DOCK4: variants seen among roughly 807,000 people sequenced by gnomAD.
The protein encoded by DOCK4 is dedicator of cytokinesis 4.
DOCK4 carries 97 observed loss-of-function variants against 268.1 expected under a neutral mutation model. That is an observed-to-expected ratio of 0.36 (90% confidence interval 0.31 to 0.43). DOCK4 has a LOEUF of 0.43. Ranked by LOEUF, DOCK4 falls within the 20% of genes least tolerant of loss-of-function variation. The pLI is 1.00. For synonymous variants in DOCK4, 954 were observed against 887.2 expected, an observed-to-expected ratio of 1.08 and a Z score of -1.34; for missense variants, 2,145 against 2,455.7, an observed-to-expected ratio of 0.87 and a Z score of 2.67.
At chr7:111,755,334 G>T (rs2074117) in intron 42 of DOCK4, among the ~76,000 whole-genome samples, 181 bp downstream of exon 42, 40,148 of 151,916 alleles carry the variant, frequency 0.26, 6,376 homozygotes, top group East Asian at 0.55. Context: ...GGACACATTA[G>T]GATAATATTA....
intron 7 of DOCK4, among the ~76,000 whole-genome samples, chr7:111,983,858 G>GCC (rs1300676029): frequency 7.8e-5 from 7 of 89,944 alleles, no homozygotes; most frequent in Non-Finnish European, 1.6e-4. Flanking sequence ...GCGCGCGCGC[G>GCC]CGCGCACACA....
At chr7:112,020,610 A>C (rs985369945) in intron 1 of DOCK4, among the ~76,000 whole-genome samples, 16 of 151,656 alleles carry the variant, frequency 1.1e-4, no homozygotes, top group African/African-American at 3.9e-4. Context: ...AGAGCACCGT[A>C]AGACCATGTG....
chr7:112,043,000 T>C (rs1327033316), intron 1 of DOCK4, among the ~76,000 whole-genome samples: 9 of 152,206 alleles, frequency 5.9e-5, no homozygotes. Flanking sequence ...CATCATGTTA[T>C]AACGCAGCAT....
chr7:112,063,912 T>C (rs1345376202), intron 1 of DOCK4, among the ~76,000 whole-genome samples: 1 of 152,210 alleles, frequency 6.6e-6, no homozygotes, highest in Non-Finnish European at 1.5e-5. Flanking sequence ...AGTCCTTTTC[T>C]TTCTATTTCT....
At chr7:111,949,237 G>A (rs546705644) in intron 8 of DOCK4, among the ~76,000 whole-genome samples, 1 of 152,224 alleles carries the variant, frequency 6.6e-6, no homozygotes, top group East Asian at 1.9e-4. Context: ...ATCTTGGTCA[G>A]TCTAAAAAGA....
intron 16 of DOCK4, among the ~76,000 whole-genome samples, chr7:111,877,562 C>A (rs1807008641): frequency 6.6e-6 from 1 of 152,156 alleles, no homozygotes; most frequent in African/African-American, 2.4e-5. Context: ...ATCATATTTG[C>A]AGTGACCATA....
intron 1 of DOCK4, among the ~76,000 whole-genome samples, chr7:112,108,880 G>C (rs891319665): frequency 7.2e-5 from 11 of 152,126 alleles, no homozygotes; most frequent in Admixed American, 7.2e-4. Flanking sequence ...AGAATGTAGG[G>C]GATTTTGGCG....
At chr7:111,792,316 A>C (rs2133813652) in intron 30 of DOCK4, among the ~76,000 whole-genome samples, 1 of 152,368 alleles carries the variant, frequency 6.6e-6, no homozygotes, top group South Asian at 2.1e-4. Context: ...AAAGGAAGGT[A>C]ATTTTCCAGT....
intron 13 of DOCK4, among the ~76,000 whole-genome samples, chr7:111,912,151 T>C (rs1432539852): frequency 6.6e-6 from 1 of 152,208 alleles, no homozygotes; most frequent in African/African-American, 2.4e-5. Flanking sequence ...TAGGTCTTTA[T>C]TCATAGCAAT....
At chr7:112,137,789 C>T (rs1367391194) in intron 1 of DOCK4, among the ~76,000 whole-genome samples, 1 of 152,186 alleles carries the variant, frequency 6.6e-6, no homozygotes, top group Non-Finnish European at 1.5e-5. Context: ...AACAGTCTTC[C>T]ATTTACTAGC....
chr7:111,882,421 T>A (rs1254442508), intron 16 of DOCK4, among the ~76,000 whole-genome samples: 1 of 152,178 alleles, frequency 6.6e-6, no homozygotes, highest in Non-Finnish European at 1.5e-5. Context: ...TAAATTAAAA[T>A]TTTGAGGAAA....
rs181952632 is a variant in DOCK4 at position 112,092,997 on chromosome 7, A to G, written c.38-88866T>C. Among the ~76,000 whole-genome samples, 4 of 152,302 alleles carry G rather than the reference A, an allele frequency of 2.6e-5. No individual in the cohort carries two copies. In the East Asian group the frequency reaches 7.7e-4, roughly 29 times the overall value. On this transcript the variant is annotated intron_variant, in intron 1 of 52. Coordinates refer to ENST00000428084, the MANE Select transcript of DOCK4 (RefSeq NM_001363540.2). The stretch of plus-strand genomic sequence containing the variant: ...TGGGAAATCAAACTTCAGTTTATCA[A>G]TAGATTTATCCTTTTTGTCTCTCTC...
At chr7:111,879,299 G>T (rs931349832) in intron 16 of DOCK4, among the ~76,000 whole-genome samples, 5 of 151,986 alleles carry the variant, frequency 3.3e-5, no homozygotes, top group African/African-American at 1.2e-4. Flanking sequence ...AAGACCCCTT[G>T]GGCCCTAAAT....
intron 36 of DOCK4, among the ~76,000 whole-genome samples, chr7:111,775,692 T>C (rs1798398805): frequency 6.6e-6 from 1 of 152,192 alleles, no homozygotes; most frequent in Admixed American, 6.5e-5. Flanking sequence ...GGTGAAGCGC[T>C]GTAGACATTT....
chr7:112,122,430 CTT>C (rs1812816696), intron 1 of DOCK4, among the ~76,000 whole-genome samples: 1 of 151,692 alleles, frequency 6.6e-6, no homozygotes, highest in Non-Finnish European at 1.5e-5. Flanking sequence ...TCTCTTTTTT[CTT>C]CTTCTTCTTA....
At chr7:111,828,475 G>C (rs570622525) in intron 26 of DOCK4, among the ~76,000 whole-genome samples, 2 of 152,088 alleles carry the variant, frequency 1.3e-5, no homozygotes, top group African/African-American at 4.8e-5. Flanking sequence ...TAGAACCACT[G>C]GGAAATGCTA....
rs767903752 is a variant in DOCK4 at position 111,977,294 on chromosome 7, C to A, written c.550-11G>T. On this transcript the variant is annotated splice_polypyrimidine_tract_variant and intron_variant, in intron 7 of 52. Coordinates refer to ENST00000428084, the MANE Select transcript of DOCK4 (RefSeq NM_001363540.2). The stretch of plus-strand genomic sequence containing the variant: ...ATGTCGATGTTCCATCTGAATGACA[C>A]CCCCCAACAAAAACATGATCAGCAT... The A allele has an allele frequency of 6.3e-7, 1 of 1,582,096 alleles. No individual in the cohort carries two copies. Among genetic ancestry groups the A allele is most frequent in the Admixed American group, 1.8e-5 (1 of 55,022 alleles).
chr7:112,157,639 C>T (rs1816743333), intron 1 of DOCK4, among the ~76,000 whole-genome samples: 3 of 152,104 alleles, frequency 2.0e-5, no homozygotes, highest in Non-Finnish European at 4.4e-5. Context: ...TAGAAGTTTA[C>T]CAGGCAAAGC....
intron 1 of DOCK4, among the ~76,000 whole-genome samples, chr7:112,062,816 T>C (rs1440691830): frequency 6.6e-6 from 1 of 152,158 alleles, no homozygotes; most frequent in Non-Finnish European, 1.5e-5. Context: ...TAGCTGGTAT[T>C]ACAGGCGTGT....
Sources: gnomAD v4.1 joint callset for allele counts (sites outside exome capture counted in the v4.1 genomes callset) on GRCh38, gnomAD v4.1.1 for gene constraint, MANE v1.5 for transcripts, NCBI Gene and HGNC (gene_info 2026-07-23, HGNC 2026-07-21) for gene names.